Variants in EPHA6 observed in about 807,000 individuals in gnomAD.
EPHA6 encodes the protein EPH receptor A6, also known as ephrin type-A receptor 6.
Under a neutral mutation model 112.0 loss-of-function variants are expected in EPHA6, and 50 were observed. That is an observed-to-expected ratio of 0.45 (90% CI 0.36 to 0.56). The LOEUF is 0.56. Among genes scored for constraint, EPHA6 ranks in the 20% least tolerant of loss-of-function variants. The pLI is 0.00. For missense variants in EPHA6, 1,280 were observed against 1,417.4 expected (o/e 0.90, Z 1.56); for synonymous variants, 529 against 490.7 (o/e 1.08, Z -1.03).
At chr3:97,091,767 G>T (rs184615715) in intron 3 of EPHA6, among the ~76,000 whole-genome samples, 1 of 152,218 alleles carries the variant, frequency 6.6e-6, no homozygotes, top group East Asian at 1.9e-4. Flanking sequence ...TGTATTTATT[G>T]TAAAGGCCAT....
chr3:96,967,171 A>G (rs2042150638), intron 2 of EPHA6, among the ~76,000 whole-genome samples: 1 of 141,848 alleles, frequency 7.0e-6, no homozygotes, highest in Non-Finnish European at 1.5e-5. Context: ...GTGTGCTTCA[A>G]TGCTATGAAT....
At chr3:97,012,810 T>C (rs2044139494) in intron 3 of EPHA6, among the ~76,000 whole-genome samples, 1 of 151,800 alleles carries the variant, frequency 6.6e-6, no homozygotes, top group Non-Finnish European at 1.5e-5. Flanking sequence ...TTTCAAATGG[T>C]ATCTCGTTAT....
At chr3:96,868,251 A>G (rs1336537432) in intron 2 of EPHA6, among the ~76,000 whole-genome samples, 2 of 151,386 alleles carry the variant, frequency 1.3e-5, no homozygotes, top group Non-Finnish European at 3.0e-5. Context: ...TAGGTGGTAT[A>G]AATAAGATTT....
intron 2 of EPHA6, among the ~76,000 whole-genome samples, chr3:96,873,127 G>GC (rs1385123421): frequency 6.6e-6 from 1 of 151,946 alleles, no homozygotes. Context: ...AATTAGCTGG[G>GC]CATGGTGGGT....
chr3:97,521,905 C>T (rs901300363), intron 10 of EPHA6, among the ~76,000 whole-genome samples: 2 of 138,116 alleles, frequency 1.4e-5, no homozygotes, highest in African/African-American at 5.6e-5. Context: ...ACCAAACTGT[C>T]TTCTGGAGAG....
In EPHA6 at chr3:97,589,138, G is replaced by C. The variant is rs540783909; in HGVS notation, c.2387-3474G>C. Among the ~76,000 whole-genome samples the C allele has an allele frequency of 4.6e-5, 7 of 151,280 alleles. No individual in the cohort carries two copies. The East Asian group carries it at 1.4e-3, about 29-fold the overall frequency. The stretch of plus-strand genomic sequence containing the variant: ...AAGTTTCTTAAAATATTATGAGGTT[G>C]TATTGCGATTTTTTCTTTTCTTCTC... On this transcript the variant is annotated intron_variant, in intron 11 of 17. Coordinates refer to ENST00000389672, the MANE Select transcript of EPHA6 (RefSeq NM_001080448.3).
intron 1 of EPHA6, among the ~76,000 whole-genome samples, chr3:96,822,392 C>T (rs1253399975): frequency 2.6e-5 from 4 of 151,796 alleles, no homozygotes; most frequent in African/African-American, 9.7e-5. Context: ...TGTATTTTCA[C>T]TCCAGTTCCT....
chr3:97,289,406 T>C (rs2080598033), intron 5 of EPHA6, among the ~76,000 whole-genome samples: 1 of 152,180 alleles, frequency 6.6e-6, no homozygotes, highest in African/African-American at 2.4e-5. Flanking sequence ...ACAACTTTAT[T>C]AGGGGTTCTG....
chr3:96,868,145 C>A (rs999226488), intron 2 of EPHA6, among the ~76,000 whole-genome samples: 1 of 149,100 alleles, frequency 6.7e-6, no homozygotes, highest in Non-Finnish European at 1.5e-5. Flanking sequence ...TCTAAAATAC[C>A]TTTTGTGTGT....
intron 6 of EPHA6, among the ~76,000 whole-genome samples, chr3:97,442,596 G>A (rs1378464610): frequency 6.6e-6 from 1 of 151,988 alleles, no homozygotes; most frequent in African/African-American, 2.4e-5. Flanking sequence ...AGAGACTGAA[G>A]AACAAACCAG....
At chr3:96,827,171 TC>T (rs1471877978) in intron 1 of EPHA6, among the ~76,000 whole-genome samples, 1 of 152,046 alleles carries the variant, frequency 6.6e-6, no homozygotes, top group Non-Finnish European at 1.5e-5. Context: ...TGTGCACTGA[TC>T]CTAAAGCCTC....
chr3:96,891,755 T>A (rs2037977492), intron 2 of EPHA6, among the ~76,000 whole-genome samples: 1 of 152,134 alleles, frequency 6.6e-6, no homozygotes, highest in African/African-American at 2.4e-5. Context: ...TATGCTGTTT[T>A]GACATAGATG....
At chr3:97,727,812 A>G (rs1488324276) in intron 15 of EPHA6, among the ~76,000 whole-genome samples, 2 of 152,064 alleles carry the variant, frequency 1.3e-5, no homozygotes, top group Admixed American at 1.3e-4. Flanking sequence ...TACTAATTAC[A>G]TGAGTATGAT....
chr3:96,935,477 A>G (rs1475756587), intron 2 of EPHA6, among the ~76,000 whole-genome samples: 1 of 150,634 alleles, frequency 6.6e-6, no homozygotes, highest in Non-Finnish European at 1.5e-5. Flanking sequence ...TTCTACATGG[A>G]CATACTTTCT....
chr3:97,125,129 G>T (rs1209707232), intron 3 of EPHA6, among the ~76,000 whole-genome samples: 1 of 151,324 alleles, frequency 6.6e-6, no homozygotes, highest in African/African-American at 2.5e-5. Context: ...CAGATTTAAA[G>T]ACAGAAGAAA....
intron 2 of EPHA6, among the ~76,000 whole-genome samples, chr3:96,978,568 C>T (rs1238808346): frequency 6.6e-6 from 1 of 151,956 alleles, no homozygotes; most frequent in African/African-American, 2.4e-5. Flanking sequence ...ATATTACTTT[C>T]TATATTCTTG....
chr3:97,708,842 G>A (rs539339595), intron 14 of EPHA6, among the ~76,000 whole-genome samples: 105 of 152,364 alleles, frequency 6.9e-4, no homozygotes, highest in African/African-American at 2.5e-3. Flanking sequence ...TTGCTTCAGA[G>A]GGTGCAAGCG....
At chr3:97,109,024 C>G (rs2047645122) in intron 3 of EPHA6, among the ~76,000 whole-genome samples, 1 of 152,142 alleles carries the variant, frequency 6.6e-6, no homozygotes, top group South Asian at 2.1e-4. Flanking sequence ...ACACTCATAA[C>G]CACCTCTGTA....
At chr3:97,541,735 T>G (rs1389116345) in intron 11 of EPHA6, among the ~76,000 whole-genome samples, 3 of 148,500 alleles carry the variant, frequency 2.0e-5, no homozygotes, top group African/African-American at 2.6e-5. Context: ...TTGTTTTTTT[T>G]TTTTTGTTTG....
Sources: allele counts gnomAD v4.1 joint callset (sites outside exome capture counted in the v4.1 genomes callset), GRCh38; gene constraint gnomAD v4.1.1; transcripts MANE v1.5; gene names NCBI Gene and HGNC (gene_info 2026-07-23, HGNC 2026-07-21).